Variants in SPINK4 observed in about 807,000 individuals in gnomAD.
SPINK4 encodes the protein serine protease inhibitor Kazal-type 4.
Under a neutral mutation model 12.3 loss-of-function variants are expected in SPINK4, and 10 were observed. That is an observed-to-expected ratio of 0.81 (90% CI 0.50 to 1.37). SPINK4 has a LOEUF of 1.37. Among genes scored for constraint, SPINK4 ranks in the 40% most tolerant of loss-of-function variants. SPINK4 has a pLI of 0.00. For synonymous variants in SPINK4, 37 were observed against 40.2 expected, an observed-to-expected ratio of 0.92 and a Z score of 0.30; for missense variants, 91 against 109.0, an observed-to-expected ratio of 0.84 and a Z score of 0.73.
At chr9:33,245,032 T>C (rs1333539908) in intron 1 of SPINK4, 80 bp from the exon 2 acceptor site, 7 of 1,446,988 alleles carry the variant, frequency 4.8e-6, no homozygotes, top group Non-Finnish European at 5.6e-6. Context: ...CCAAGCTCCC[T>C]GAAGCAGAAG....
At position 33,247,010 on chromosome 9, in the gene SPINK4, T is replaced by A. The variant is rs921919432; in HGVS notation, c.215+282T>A. Among the ~76,000 whole-genome samples the A allele has an allele frequency of 2.0e-5, 3 of 152,084 alleles. 1 individual carries two copies. Among genetic ancestry groups the A allele is most frequent in the African/African-American group, 7.2e-5 (3 of 41,426 alleles). On this transcript the variant is annotated intron_variant, in intron 3 of 3. Transcript: ENST00000379721. ...GTGACCTCATCTGTTTTTTCATTCG[T>A]CTAGCCAGCAATTATTTATTGAGCA... is the stretch of plus-strand genomic sequence containing the variant.
intron 3 of SPINK4, among the ~76,000 whole-genome samples, chr9:33,247,604 A>T (rs937167780): frequency 1.3e-5 from 2 of 152,214 alleles, no homozygotes; most frequent in African/African-American, 4.8e-5. Flanking sequence ...ATTTGAGGAA[A>T]TATAAGAAGT....
chr9:33,241,482 C>G (rs536540697), intron 1 of SPINK4, among the ~76,000 whole-genome samples: 5 of 152,280 alleles, frequency 3.3e-5, no homozygotes, highest in African/African-American at 1.2e-4. Context: ...CTGGCAGGAT[C>G]CAGGGCCACT....
intron 1 of SPINK4, among the ~76,000 whole-genome samples, chr9:33,242,799 T>C (rs1352312251): frequency 6.6e-6 from 1 of 151,110 alleles, no homozygotes; most frequent in Non-Finnish European, 1.5e-5. Context: ...GGAAGAAAAA[T>C]AAATACAGAA....
At chr9:33,246,226 G>A (rs2117883325) in intron 2 of SPINK4, among the ~76,000 whole-genome samples, 1 of 140,388 alleles carries the variant, frequency 7.1e-6, no homozygotes, top group Admixed American at 6.9e-5. Flanking sequence ...CCGTATCCTG[G>A]GGTCTTCAAT....
chr9:33,244,971 T>A, intron 1 of SPINK4, 141 bp from the exon 2 acceptor site: 2 of 712,800 alleles, frequency 2.8e-6, no homozygotes, highest in Non-Finnish European at 4.7e-6. Flanking sequence ...CCCCATTGTC[T>A]GGTGGCTCAT....
chr9:33,246,241 C>CCAG (rs34562834), intron 2 of SPINK4, among the ~76,000 whole-genome samples: 55,093 of 151,672 alleles, frequency 0.36, 13,054 homozygotes, highest in African/African-American at 0.68. Flanking sequence ...TTCAATGGGA[C>CCAG]CAGCAGAAGT....
At position 33,240,239 on chromosome 9, in the gene SPINK4, G is replaced by A. The variant is rs1820218874; in HGVS notation, c.31G>A (p.Ala11Thr). 6.2e-7 allele frequency: 1 copy of A among 1,605,670 alleles called. No homozygotes were observed. The highest frequency in any genetic ancestry group is 8.5e-7 in the Non-Finnish European group (1 of 1,176,202). ...CGTCCGCCAGTGGGTAATCGCCCTG[G>A]CCTTGGCTGCCCTCCTTGTTGTGGA... is the stretch of plus-strand genomic sequence containing the variant. Reference protein sequence around the residue: MAVRQWVIALALAALLVVDRE... With the variant: MAVRQWVIALTLAALLVVDRE... The change falls in exon 1 of 4, where the codon GCC becomes ACC. Residue 11 changes from alanine (A) to threonine (T), a missense_variant. Coordinates refer to ENST00000379721, the MANE Select transcript of SPINK4 (RefSeq NM_014471.3).
chr9:33,240,714 G>A (rs1820225316), intron 1 of SPINK4, among the ~76,000 whole-genome samples: 1 of 152,174 alleles, frequency 6.6e-6, no homozygotes, highest in Non-Finnish European at 1.5e-5. Context: ...TGTGGTTTGG[G>A]ACTTGGGCAG....
At chr9:33,247,877 C>T (rs1820301981) in intron 3 of SPINK4, 1 of 154,166 alleles carries the variant, frequency 6.5e-6, no homozygotes, top group South Asian at 2.0e-4. Context: ...AGGATGTTGT[C>T]CTAGCTTAGA....
At chr9:33,241,834 T>G (rs1353069412) in intron 1 of SPINK4, among the ~76,000 whole-genome samples, 1 of 152,156 alleles carries the variant, frequency 6.6e-6, no homozygotes, top group Admixed American at 6.5e-5. Context: ...CTTAGAGTTC[T>G]GAACACCCCC....
chr9:33,242,412 G>A (rs1820246223), intron 1 of SPINK4, among the ~76,000 whole-genome samples: 1 of 150,694 alleles, frequency 6.6e-6, no homozygotes, highest in Non-Finnish European at 1.5e-5. Flanking sequence ...TTCGGCGGGA[G>A]GAGAACGGAG....
intron 1 of SPINK4, among the ~76,000 whole-genome samples, chr9:33,242,141 G>A (rs1036727273): frequency 6.6e-6 from 1 of 152,172 alleles, no homozygotes. Flanking sequence ...GCTTCCCAAG[G>A]TGCTGGGATT....
intron 1 of SPINK4, among the ~76,000 whole-genome samples, chr9:33,244,092 C>A (rs1385041203): frequency 6.6e-6 from 1 of 152,216 alleles, no homozygotes; most frequent in African/African-American, 2.4e-5. Flanking sequence ...CAGGGAGCAT[C>A]CTGCCCTTCT....
intron 2 of SPINK4, 48 bp from the exon 3 acceptor site, chr9:33,246,568 C>T: frequency 6.5e-7 from 1 of 1,535,742 alleles, no homozygotes; most frequent in Non-Finnish European, 9.0e-7. Flanking sequence ...GTATCCCTCC[C>T]CACTGCCTCT....
intron 1 of SPINK4, among the ~76,000 whole-genome samples, chr9:33,240,688 G>T (rs1330233789): frequency 6.6e-6 from 1 of 152,158 alleles, no homozygotes; most frequent in Admixed American, 6.5e-5. Flanking sequence ...CTGAGCTCCC[G>T]ATCTCTCTGA....
chr9:33,245,134 G>A lies in SPINK4; in HGVS notation c.84G>A (p.Lys28=). The A allele has an allele frequency of 6.2e-7, 1 of 1,613,788 alleles. No individual in the cohort carries two copies. The stretch of plus-strand genomic sequence containing the variant: ...CAGAAGTGCCAGTGGCAGCAGGAAA[G>A]CTCCCTTTCTCAAGAATGGTAAGGC... ...VDREVPVAAG[K]LPFSRMPICE... Residue 28 remains lysine (K), a synonymous_variant, in exon 2 of 4, where the codon AAG becomes AAA. Transcript: ENST00000379721.
intron 1 of SPINK4, among the ~76,000 whole-genome samples, chr9:33,242,715 A>C (rs1476230480): frequency 6.6e-6 from 1 of 152,184 alleles, no homozygotes; most frequent in African/African-American, 2.4e-5. Flanking sequence ...TCACTCGATG[A>C]ATCTTGACAA....
Position 33,240,202 on chromosome 9 carries a change from G to A in SPINK4, c.-7G>A, listed in dbSNP as rs199678841. Reference sequence around the variant, plus strand: ...GCCAGCTCAGGCTACACTATCCCAGGATCAGCATGGCCGTCCGCCAGTGGG... The same window carrying A: ...GCCAGCTCAGGCTACACTATCCCAGAATCAGCATGGCCGTCCGCCAGTGGG... On this transcript the variant is annotated 5_prime_UTR_variant, in exon 1 of 4. Coordinates refer to ENST00000379721, the MANE Select transcript of SPINK4 (RefSeq NM_014471.3). 1,188 of 1,603,150 alleles carry A rather than the reference G, an allele frequency of 7.4e-4. 4 individuals are homozygous for A. The highest frequency in any genetic ancestry group is 9.2e-4 in the Admixed American group (54 of 58,960).
Sources: gnomAD v4.1 joint callset for allele counts (sites outside exome capture counted in the v4.1 genomes callset) on GRCh38, gnomAD v4.1.1 for gene constraint, MANE v1.5 for transcripts, NCBI Gene and HGNC (gene_info 2026-07-23, HGNC 2026-07-21) for gene names.